Variants in COPS2 observed in about 807,000 individuals in gnomAD.
The protein encoded by COPS2 is COP9 signalosome subunit 2, also known as COP9 signalosome complex subunit 2.
In COPS2, 10 loss-of-function variants were observed where a neutral mutation model predicts 66.1. The observed-to-expected ratio is 0.15, with a 90% CI of 0.09 to 0.26. The LOEUF (loss-of-function observed/expected upper bound fraction) is 0.26. Ranked by LOEUF, COPS2 falls within the 10% of genes least tolerant of loss-of-function variation. The pLI, the probability that COPS2 is intolerant of heterozygous loss-of-function variation, is 1.00. For synonymous variants in COPS2, 179 were observed against 171.3 expected, an observed-to-expected ratio of 1.04 and a Z score of -0.35; for missense variants, 215 against 513.3, an observed-to-expected ratio of 0.42 and a Z score of 5.62.
chr15:49,155,505 T>C lies in COPS2; in HGVS notation c.54+20A>G, dbSNP rs767136618. On this transcript the variant is annotated intron_variant, in intron 1 of 12. Transcript: ENST00000388901. ...ACAAGACACATCACCACCCTCAGAG[T>C]TCCATTCCCTGCGCCTCACCAGGTC... 6 of 1,613,102 alleles carry C rather than the reference T, an allele frequency of 3.7e-6. No individual in the cohort carries two copies. The Middle Eastern group carries it at 5.0e-4, about 133-fold the overall frequency.
intron 6 of COPS2, among the ~76,000 whole-genome samples, chr15:49,136,090 A>G (rs2084249103): frequency 2.0e-5 from 3 of 152,316 alleles, no homozygotes; most frequent in Admixed American, 1.3e-4. Context: ...AAACTATTGA[A>G]TATCTGCAGG....
At chr15:49,132,370 C>A (rs577403727) in intron 9 of COPS2, among the ~76,000 whole-genome samples, 1 of 150,184 alleles carries the variant, frequency 6.7e-6, no homozygotes, top group Non-Finnish European at 1.5e-5. Context: ...TTTTTACAGC[C>A]AAAATTAAGG....
Position 49,125,311 on chromosome 15 carries a change from A to G in COPS2, c.*2639T>C, listed in dbSNP as rs1286959969. The G allele has an allele frequency of 6.6e-6, 1 of 152,164 alleles. No homozygotes were observed. Among genetic ancestry groups the G allele is most frequent in the Admixed American group, 6.5e-5 (1 of 15,272 alleles). The allele number at this position is 152,164 out of a possible 1,614,324, so 9.4% of individuals were successfully genotyped here. On this transcript the variant is annotated 3_prime_UTR_variant, in exon 13 of 13. Coordinates refer to ENST00000388901, the MANE Select transcript of COPS2 (RefSeq NM_004236.4). ...GAAAAAGTATTTAATCAACAACTTT[A>G]ATGTAAGAGCAAGAGTGAGTAATGG...
intron 4 of COPS2, chr15:49,137,785 T>C (rs555586767): frequency 3.8e-5 from 7 of 186,080 alleles, no homozygotes; most frequent in Non-Finnish European, 6.7e-5. Context: ...AGTGAAGCAG[T>C]GGGAGTGGAG....
intron 3 of COPS2, among the ~76,000 whole-genome samples, chr15:49,141,364 G>A (rs1432065089): frequency 3.3e-5 from 5 of 152,116 alleles, no homozygotes; most frequent in Non-Finnish European, 7.4e-5. Flanking sequence ...AGGTGTGGTG[G>A]CATGCGCCTG....
At chr15:49,130,075 T>C (rs2084197276) in intron 10 of COPS2, among the ~76,000 whole-genome samples, 1 of 152,174 alleles carries the variant, frequency 6.6e-6, no homozygotes, top group African/African-American at 2.4e-5. Flanking sequence ...ATGTAAGAAC[T>C]TTTAAAATGT....
At chr15:49,139,419 C>T (rs186866666) in intron 4 of COPS2, 109 bp downstream of exon 4, 9 of 832,314 alleles carry the variant, frequency 1.1e-5, no homozygotes, top group Non-Finnish European at 1.7e-5. Context: ...TAATAACTAG[C>T]ACAACTACTT....
rs947252908 is a variant in COPS2, at chr15:49,125,071, A to G, written c.*2879T>C. On this transcript the variant is annotated 3_prime_UTR_variant, in exon 13 of 13. Transcript: ENST00000388901. The stretch of plus-strand genomic sequence containing the variant: ...TAAATATTAAGAATAAGAGTTTTTC[A>G]GTCTAAGACAAACCTAAGTCTTACA... The G allele has an allele frequency of 1.3e-5, 2 of 152,206 alleles. No individual in the cohort carries two copies. Among genetic ancestry groups the G allele is most frequent in the South Asian group, 2.1e-4 (1 of 4,834 alleles). The allele number at this position is 152,206 out of a possible 1,614,324, so 9.4% of individuals were successfully genotyped here.
Position 49,130,667 on chromosome 15 carries a change from C to A in COPS2, c.1045+52G>T. ...CATGCAGCTTCATTAAGTGGCATTT[C>A]TTTGACAGTGGCAAAGAAAGTAATA... On this transcript the variant is annotated intron_variant, in intron 10 of 12. Coordinates refer to ENST00000388901, the MANE Select transcript of COPS2 (RefSeq NM_004236.4). The A allele has an allele frequency of 3.6e-6, 4 of 1,105,564 alleles. No individual in the cohort carries two copies. In the South Asian group the frequency reaches 4.2e-5, roughly 11 times the overall value. The allele number at this position is 1,105,564 out of a possible 1,614,324, so 68.5% of individuals were successfully genotyped here.
chr15:49,151,576 C>T (rs1485251386), intron 1 of COPS2, among the ~76,000 whole-genome samples: 3 of 151,974 alleles, frequency 2.0e-5, no homozygotes, highest in Non-Finnish European at 4.4e-5. Context: ...TTATCAATGG[C>T]CTTACCAACT....
chr15:49,136,812 C>T (rs1369167309), intron 6 of COPS2, among the ~76,000 whole-genome samples: 5 of 151,856 alleles, frequency 3.3e-5, no homozygotes, highest in African/African-American at 1.2e-4. Flanking sequence ...CATGGCAAAA[C>T]CCCACCTCTA....
In COPS2 at chr15:49,147,767, G is replaced by T. The variant is rs1220466003; in HGVS notation, c.55-2689C>A. On this transcript the variant is annotated intron_variant, in intron 1 of 12. Transcript: ENST00000388901. ...AAAAAAATCACAATGACTGAGAAAA[G>T]ATTTGATTCAGCCCTCTTCGTTTTG... is the stretch of plus-strand genomic sequence containing the variant. Among the ~76,000 whole-genome samples the T allele has an allele frequency of 7.7e-5, 11 of 142,816 alleles. 1 individual carries two copies. The Admixed American group carries it at 7.7e-4, about 10-fold the overall frequency. The allele number at this position is 142,816 out of a possible 152,430, so 93.7% of individuals were successfully genotyped here.
chr15:49,134,392 T>C lies in COPS2; in HGVS notation c.663A>G (p.Ser221=). ...NKKLKALYEQ[S]LHIKSAIPHP... is the part of the protein sequence containing the mutation. Reference sequence around the variant, plus strand: ...GAGGGATGGCAGACTTGATGTGAAGTGACTGTTCATAGAGTGCTTTAAGTT... The same window carrying C: ...GAGGGATGGCAGACTTGATGTGAAGCGACTGTTCATAGAGTGCTTTAAGTT... Residue 221 remains serine (S), a synonymous_variant, in exon 7 of 13, where the codon TCA becomes TCG. Transcript: ENST00000388901. The C allele has an allele frequency of 1.9e-6, 3 of 1,613,846 alleles. No individual in the cohort carries two copies. Among genetic ancestry groups the C allele is most frequent in the Non-Finnish European group, 2.5e-6 (3 of 1,179,966 alleles).
chr15:49,155,599 G>A lies in COPS2; in HGVS notation c.-21C>T, dbSNP rs1482987121. The A allele has an allele frequency of 1.9e-6, 3 of 1,612,334 alleles. No homozygotes were observed. Among genetic ancestry groups the A allele is most frequent in the South Asian group, 1.1e-5 (1 of 91,040 alleles). Reference sequence around the variant, plus strand: ...GACATCTTGGCCGGGAGGGGGAGGAGAAATTGGAGACAACCTCCTCCCACA... The same window carrying A: ...GACATCTTGGCCGGGAGGGGGAGGAAAAATTGGAGACAACCTCCTCCCACA... On this transcript the variant is annotated 5_prime_UTR_variant, in exon 1 of 13. Transcript: ENST00000388901.
At chr15:49,140,516 A>G (rs1310295715) in intron 3 of COPS2, among the ~76,000 whole-genome samples, 1 of 152,170 alleles carries the variant, frequency 6.6e-6, no homozygotes, top group Non-Finnish European at 1.5e-5. Context: ...CTAAGGTTCT[A>G]TTCAAAAGTA....
At position 49,135,546 on chromosome 15, in the gene COPS2, G is replaced by A. The variant is rs188060751; in HGVS notation, c.541-1032C>T. Among the ~76,000 whole-genome samples, 253 of 152,212 alleles carry A rather than the reference G, an allele frequency of 1.7e-3. 1 individual carries two copies. Among genetic ancestry groups the A allele is most frequent in the African/African-American group, 6.0e-3 (251 of 41,530 alleles). On this transcript the variant is annotated intron_variant, in intron 6 of 12. Transcript: ENST00000388901. Reference sequence around the variant, plus strand: ...ATAGGGACTAACCTTCCTGGAGGACGTCACAGGAATCACAAAAAAGTGCTG... The same window carrying A: ...ATAGGGACTAACCTTCCTGGAGGACATCACAGGAATCACAAAAAAGTGCTG...
intron 9 of COPS2, among the ~76,000 whole-genome samples, chr15:49,131,226 A>G (rs1468549679): frequency 6.6e-6 from 1 of 152,076 alleles, no homozygotes; most frequent in African/African-American, 2.4e-5. Flanking sequence ...TGTACACTAC[A>G]TGAAGGGGTG....
chr15:49,131,751 T>C (rs1320648440), intron 9 of COPS2, among the ~76,000 whole-genome samples: 1 of 152,146 alleles, frequency 6.6e-6, no homozygotes. Flanking sequence ...TATTCAAGCA[T>C]TGAAAACACT....
chr15:49,136,043 A>G (rs1194446591), intron 6 of COPS2, among the ~76,000 whole-genome samples: 2 of 152,148 alleles, frequency 1.3e-5, no homozygotes, highest in East Asian at 1.9e-4. Context: ...TGTAGATAAG[A>G]AATAATTCCT....
Sources: allele counts gnomAD v4.1 joint callset (sites outside exome capture counted in the v4.1 genomes callset), GRCh38; gene constraint gnomAD v4.1.1; transcripts MANE v1.5; gene names NCBI Gene and HGNC (gene_info 2026-07-23, HGNC 2026-07-21).